HERC1: variants seen among roughly 807,000 people sequenced by gnomAD.
The protein encoded by HERC1 is probable E3 ubiquitin-protein ligase HERC1.
HERC1 carries 160 observed loss-of-function variants against 554.3 expected under a neutral mutation model. The ratio of observed to expected loss-of-function variants is 0.29; its 90% confidence interval spans 0.25 to 0.33. The LOEUF (loss-of-function observed/expected upper bound fraction) is 0.33. Ranked by LOEUF, HERC1 falls within the 10% of genes least tolerant of loss-of-function variation. The pLI, the probability that HERC1 is intolerant of heterozygous loss-of-function variation, is 1.00. For synonymous variants in HERC1, 2,175 were observed against 2,131.7 expected (o/e 1.02, Z -0.56); for missense variants, 4,919 against 5,918.5 (o/e 0.83, Z 5.54).
Position 63,775,313 on chromosome 15 carries a change from C to T in HERC1, c.311G>A (p.Arg104Lys), listed in dbSNP as rs1274626100. The T allele has an allele frequency of 1.9e-6, 3 of 1,614,006 alleles. No individual in the cohort carries two copies. The highest frequency in any genetic ancestry group is 2.5e-6 in the Non-Finnish European group (3 of 1,179,870). ...ACGCTGGAGTACAAGCAGTCGTTTT[C>T]TAAGTGCCCCGGCAAATGGGGAATC... ...CSDSPFAGAL[R>K]KRLLVLQRVF... The change falls in exon 2 of 78, where the codon AGA (arginine) becomes AAA (lysine). Residue 104 changes from arginine to lysine, a missense_variant. Arg to Lys is a conservative substitution (Grantham distance 26, BLOSUM62 2). Transcript: ENST00000443617. This position sits in a 1 kb window ranked among gnomAD's most constrained non-coding sequence, Gnocchi z 4.0.
intron 74 of HERC1, among the ~76,000 whole-genome samples, chr15:63,619,162 T>C (rs1306376368): frequency 2.0e-5 from 3 of 152,230 alleles, no homozygotes; most frequent in South Asian, 2.1e-4. Flanking sequence ...TATTTTGAGA[T>C]ATGTCCCATC....
At position 63,680,560 on chromosome 15, in the gene HERC1, T is replaced by G. The variant is rs1156834654; in HGVS notation, c.6442A>C (p.Ile2148Leu). 1 of 1,613,656 alleles carries G rather than the reference T, an allele frequency of 6.2e-7. No individual in the cohort carries two copies. The highest frequency in any genetic ancestry group is 1.3e-5 in the African/African-American group (1 of 74,918). Residue 2148 changes from isoleucine to leucine, a missense_variant, in exon 35 of 78, where the codon ATT becomes CTT. Physicochemically the swap from Ile to Leu is conservative, Grantham distance 5. Coordinates refer to ENST00000443617, the MANE Select transcript of HERC1 (RefSeq NM_003922.4). This position sits in a 1 kb window ranked among gnomAD's most constrained non-coding sequence, Gnocchi z 5.8. ...TCVLDMEART[I>L]SFGKNGEEPK... Reference sequence around the variant, plus strand: ...ACCTCTCCATTTTTCCCAAAAGAAATGGTCCTGGCTTCCATGTCTAACACA... The same window carrying G: ...ACCTCTCCATTTTTCCCAAAAGAAAGGGTCCTGGCTTCCATGTCTAACACA...
intron 34 of HERC1, among the ~76,000 whole-genome samples, chr15:63,685,364 G>A (rs544676488): frequency 1.3e-5 from 2 of 152,350 alleles, no homozygotes; most frequent in East Asian, 1.9e-4. Flanking sequence ...CCTATTATAT[G>A]TTCTGATTAC....
Position 63,640,310 on chromosome 15 carries a change from C to G in HERC1, c.11743G>C (p.Asp3915His), listed in dbSNP as rs1244275622. ...TCATTTGGATTCCAGGATGCAGGGT[C>G]AGGGAGACAGTTCTGGTGGTGTGGT... ...VPPHHQNCLP[D>H]PASWNPNEWA... The change falls in exon 61 of 78, where the codon GAC (aspartate) becomes CAC (histidine). Residue 3915 changes from aspartate (D) to histidine (H), a missense_variant. Asp to His is a moderately conservative substitution (Grantham distance 81). Coordinates refer to ENST00000443617, the MANE Select transcript of HERC1 (RefSeq NM_003922.4). The G allele has an allele frequency of 6.2e-7, 1 of 1,613,732 alleles. No individual in the cohort carries two copies. The highest frequency in any genetic ancestry group is 1.3e-5 in the African/African-American group (1 of 74,882).
At chr15:63,807,024 G>A (rs2077160457) in intron 1 of HERC1, among the ~76,000 whole-genome samples, 1 of 152,222 alleles carries the variant, frequency 6.6e-6, no homozygotes, top group African/African-American at 2.4e-5. Flanking sequence ...GGGATTACAG[G>A]CATGAGCCAC....
intron 57 of HERC1, 81 bp downstream of exon 57, chr15:63,644,911 T>G: frequency 9.1e-7 from 1 of 1,094,508 alleles, no homozygotes. Flanking sequence ...TAATGACTTT[T>G]TTAGTAACCA....
intron 18 of HERC1, among the ~76,000 whole-genome samples, chr15:63,724,105 T>A (rs1371763107): frequency 6.6e-6 from 1 of 152,186 alleles, no homozygotes; most frequent in Non-Finnish European, 1.5e-5. Context: ...TTTTATAACT[T>A]AAAAAGTGAA....
In HERC1 at chr15:63,680,751, C is replaced by T. The variant is rs2071434669; in HGVS notation, c.6251G>A (p.Gly2084Asp). 1 of 1,611,306 alleles carries T rather than the reference C, an allele frequency of 6.2e-7. No homozygotes were observed. The highest frequency in any genetic ancestry group is 8.5e-7 in the Non-Finnish European group (1 of 1,177,648). Residue 2084 changes from glycine to aspartate, a missense_variant, in exon 35 of 78, where the codon GGT (glycine) becomes GAT (aspartate). Gly to Asp is a moderately conservative substitution (Grantham distance 94). Around this residue, in one of 11 missense-constraint regions of HERC1, gnomAD observed 85 missense variants for 163.2 expected, o/e 0.52. Transcript: ENST00000443617. The surrounding 1 kb of genome is among the most constrained non-coding windows in gnomAD (Gnocchi z 5.8). The part of the protein sequence containing the change: ...WKFYIVKENR[G>D]NEGTCVGVSR... Reference sequence around the variant, plus strand: ...AACTCCAACACACGTGCCTTCATTACCTCTGTTTTCCTTCACAATATAAAA... The same window carrying T: ...AACTCCAACACACGTGCCTTCATTATCTCTGTTTTCCTTCACAATATAAAA...
In HERC1 at chr15:63,747,836, G is replaced by T; in HGVS notation, c.2242C>A (p.Pro748Thr). ...CTCTCTTCAAGATCTACACAATAAG[G>T]TCGGTGCCATGCAACAACTTGTCTA... ...RDRQVVAWHR[P>T]YCVDLEESTF... Residue 748 changes from proline (P) to threonine (T), a missense_variant, in exon 11 of 78, where the codon CCT becomes ACT. Coordinates refer to ENST00000443617, the MANE Select transcript of HERC1 (RefSeq NM_003922.4). The T allele has an allele frequency of 6.5e-7, 1 of 1,549,122 alleles. No homozygotes were observed. The highest frequency in any genetic ancestry group is 8.7e-7 in the Non-Finnish European group (1 of 1,145,242).
Position 63,690,643 on chromosome 15 carries a change from G to T in HERC1, c.5835C>A (p.Ile1945=). Residue 1945 remains isoleucine (I), a synonymous_variant, in exon 32 of 78, where the codon ATC becomes ATA. Coordinates refer to ENST00000443617, the MANE Select transcript of HERC1 (RefSeq NM_003922.4). Reference sequence around the variant, plus strand: ...TTGTTCTTAAGTTACCAACCAGAGGGATACCTGGAGGGGAAAAGACCTTTT... The same window carrying T: ...TTGTTCTTAAGTTACCAACCAGAGGTATACCTGGAGGGGAAAAGACCTTTT... ...NIASQKCSSG[I]PLVGNLRTRL... is the part of the protein sequence containing the mutation. 1 of 1,575,032 alleles carries T rather than the reference G, an allele frequency of 6.3e-7. No homozygotes were observed. The highest frequency in any genetic ancestry group is 8.7e-7 in the Non-Finnish European group (1 of 1,147,664).
chr15:63,810,029 A>C (rs557786562), intron 1 of HERC1, among the ~76,000 whole-genome samples: 1 of 152,314 alleles, frequency 6.6e-6, no homozygotes, highest in South Asian at 2.1e-4. Context: ...AATTATACAC[A>C]TATACTAGAA....
intron 1 of HERC1, among the ~76,000 whole-genome samples, chr15:63,817,025 C>T (rs919745569): frequency 4.0e-5 from 6 of 151,800 alleles, no homozygotes; most frequent in South Asian, 2.1e-4. Context: ...ATTCAGGAGA[C>T]AGGAAGAACA....
At chr15:63,759,834 G>C (rs2075549914) in intron 3 of HERC1, among the ~76,000 whole-genome samples, 1 of 152,218 alleles carries the variant, frequency 6.6e-6, no homozygotes, top group African/African-American at 2.4e-5. Context: ...ATCTTGGTCA[G>C]ATACTTTAAA....
intron 47 of HERC1, 104 bp downstream of exon 47, chr15:63,659,632 C>A: frequency 1.3e-6 from 1 of 777,950 alleles, no homozygotes; most frequent in Non-Finnish European, 2.1e-6. Flanking sequence ...TAATGTTGAA[C>A]CATTAGTCTT....
intron 27 of HERC1, among the ~76,000 whole-genome samples, chr15:63,695,302 G>C (rs2072340212): frequency 6.6e-5 from 10 of 151,978 alleles, no homozygotes; most frequent in Admixed American, 6.5e-4. Context: ...CTCCCAAAGT[G>C]CTGGGACTAC....
rs897053075 is a variant in HERC1, at chr15:63,749,628, T to C, written c.2047+19A>G. On this transcript the variant is annotated intron_variant, in intron 9 of 77. Transcript: ENST00000443617. This position sits in a 1 kb window ranked among gnomAD's most constrained non-coding sequence, Gnocchi z 4.1. Reference sequence around the variant, plus strand: ...AAGACAACAGTTAATACTATTTCCTTAAAAACAAATGACTTTACCATGAGA... The same window carrying C: ...AAGACAACAGTTAATACTATTTCCTCAAAAACAAATGACTTTACCATGAGA... 6.3e-7 allele frequency: 1 copy of C among 1,594,868 alleles called. No homozygotes were observed. The highest frequency in any genetic ancestry group is 1.7e-5 in the Admixed American group (1 of 57,510).
In HERC1 at chr15:63,623,799, T is replaced by C; in HGVS notation, c.13537A>G (p.Lys4513Glu). ...GCCCCTTCTCCAACCAGCTTAACCT[T>C]CCACGCTCGGGAAGGCAGGCGGAGG... is the stretch of plus-strand genomic sequence containing the variant. ...SDLRLPSRAW[K>E]VKLVGEGADD... Residue 4513 changes from lysine (K) to glutamate (E), a missense_variant, in exon 73 of 78, where the codon AAG (lysine) becomes GAG (glutamate). Lys to Glu is a moderately conservative substitution (Grantham distance 56, BLOSUM62 1). Coordinates refer to ENST00000443617, the MANE Select transcript of HERC1 (RefSeq NM_003922.4). 6.2e-7 allele frequency: 1 copy of C among 1,613,946 alleles called. No individual in the cohort carries two copies. The highest frequency in any genetic ancestry group is 8.5e-7 in the Non-Finnish European group (1 of 1,179,864).
intron 1 of HERC1, among the ~76,000 whole-genome samples, chr15:63,787,949 A>G (rs1409041167): frequency 7.1e-6 from 1 of 140,138 alleles, no homozygotes; most frequent in Non-Finnish European, 1.5e-5. Context: ...CGACAGGGTG[A>G]GACCCTGTCT....
At chr15:63,737,460 T>TATATATAC (rs1555431885) in intron 12 of HERC1, among the ~76,000 whole-genome samples, 5 of 116,604 alleles carry the variant, frequency 4.3e-5, no homozygotes, top group East Asian at 4.3e-4. Flanking sequence ...TCCAGATATA[T>TATATATAC]ATATATATAT....
Sources: gnomAD v4.1 joint callset for allele counts (sites outside exome capture counted in the v4.1 genomes callset) on GRCh38, gnomAD v4.1.1 for gene constraint, gnomAD v4.1.1 regional missense constraint, Gnocchi (gnomAD v3.1) non-coding constraint, MANE v1.5 for transcripts, NCBI Gene and HGNC (gene_info 2026-07-23, HGNC 2026-07-21) for gene names.